The following APCDD1L variants were observed in gnomAD, a reference collection of about 807,000 sequenced individuals.
APCDD1L encodes protein APCDD1-like.
APCDD1L carries 21 observed loss-of-function variants against 24.2 expected under a neutral mutation model. The ratio of observed to expected loss-of-function variants is 0.87; its 90% CI spans 0.61 to 1.25. APCDD1L has a LOEUF of 1.25. Ranked by LOEUF, APCDD1L falls within the 50% of genes most tolerant of loss-of-function variation. APCDD1L has a pLI of 0.00. For synonymous variants in APCDD1L, 321 were observed against 323.6 expected, an observed-to-expected ratio of 0.99 and a Z score of 0.09; for missense variants, 704 against 711.7, an observed-to-expected ratio of 0.99 and a Z score of 0.12.
chr20:58,470,021 G>A (rs759822002), intron 2 of APCDD1L, among the ~76,000 whole-genome samples: 30 of 152,334 alleles, frequency 2.0e-4, no homozygotes, highest in Middle Eastern at 6.8e-3. Flanking sequence ...CTGAAATGTC[G>A]AGTGAGCCTG....
At chr20:58,480,096 A>G (rs16982013) in intron 1 of APCDD1L, among the ~76,000 whole-genome samples, 10,244 of 152,304 alleles carry the variant, frequency 0.067, 450 homozygotes, top group East Asian at 0.11. Context: ...TCATTTGGCT[A>G]TAATGGAATC....
chr20:58,505,342 G>A (rs1245349615), intron 1 of APCDD1L, among the ~76,000 whole-genome samples: 2 of 152,168 alleles, frequency 1.3e-5, no homozygotes, highest in Non-Finnish European at 2.9e-5. Flanking sequence ...TGGGATTACA[G>A]GCATGGGCCA....
Position 58,508,238 on chromosome 20 carries a change from A to G in APCDD1L, c.49+6421T>C, listed in dbSNP as rs539298905. On this transcript the variant is annotated intron_variant, in intron 1 of 3. Transcript: ENST00000371149. The surrounding 1 kb of genome is among the most constrained non-coding windows in gnomAD (Gnocchi z 4.0). ...GTGGGAAGGAATGCAGCTGATGGAC[A>G]GGCTGGTGGGCTCTGAGTGACTGCT... Among the ~76,000 whole-genome samples, 69 of 152,350 alleles carry G rather than the reference A, an allele frequency of 4.5e-4. 1 individual carries two copies. Among genetic ancestry groups the G allele is most frequent in the African/African-American group, 1.6e-3 (67 of 41,588 alleles).
At chr20:58,475,450 A>G (rs1463449956) in intron 1 of APCDD1L, among the ~76,000 whole-genome samples, 1 of 152,130 alleles carries the variant, frequency 6.6e-6, no homozygotes, top group Non-Finnish European at 1.5e-5. Flanking sequence ...ACTGAGTTTT[A>G]AAAGGTGATT....
intron 1 of APCDD1L, among the ~76,000 whole-genome samples, chr20:58,473,655 G>A (rs1306342039): frequency 1.3e-5 from 2 of 152,126 alleles, no homozygotes; most frequent in East Asian, 3.8e-4. Context: ...AATAACAGCT[G>A]AAAGCAGATG....
chr20:58,470,018 G>C (rs983260044), intron 2 of APCDD1L, among the ~76,000 whole-genome samples: 5 of 152,230 alleles, frequency 3.3e-5, no homozygotes, highest in African/African-American at 1.2e-4. Context: ...CCTCTGAAAT[G>C]TCGAGTGAGC....
rs1166627691 is a variant in APCDD1L, at chr20:58,497,924, C to T, written c.49+16735G>A. ...CTCAATCATTTCTCTCCCTTCTCGG[C>T]AGCAACAACCATTATCGGTTTGTGC... On this transcript the variant is annotated intron_variant, in intron 1 of 3. Coordinates refer to ENST00000371149, the MANE Select transcript of APCDD1L (RefSeq NM_153360.3). The surrounding 1 kb of genome is among the most constrained non-coding windows in gnomAD (Gnocchi z 4.3). Among the ~76,000 whole-genome samples the T allele has an allele frequency of 6.6e-6, 1 of 152,208 alleles. No homozygotes were observed. Among genetic ancestry groups the T allele is most frequent in the African/African-American group, 2.4e-5 (1 of 41,444 alleles).
At position 58,460,502 on chromosome 20, in the gene APCDD1L, A is replaced by C; in HGVS notation, c.*288T>G. 3.5e-6 allele frequency: 1 copy of C among 286,228 alleles called. No individual in the cohort carries two copies. Among genetic ancestry groups the C allele is most frequent in the Non-Finnish European group, 6.5e-6 (1 of 154,562 alleles). 17.7% of individuals were successfully genotyped at this position (286,228 alleles called of 1,614,324 possible). ...GTTGGCGAGCTGCCAAGGATGAGGA[A>C]AGTAGAAAAATTGGGAGTGATCTTT... On this transcript the variant is annotated 3_prime_UTR_variant, in exon 4 of 4. Coordinates refer to ENST00000371149, the MANE Select transcript of APCDD1L (RefSeq NM_153360.3). The surrounding 1 kb of genome is among the most constrained non-coding windows in gnomAD (Gnocchi z 4.2).
chr20:58,507,193 C>A (rs1990540565), intron 1 of APCDD1L, among the ~76,000 whole-genome samples: 1 of 152,190 alleles, frequency 6.6e-6, no homozygotes, highest in South Asian at 2.1e-4. Context: ...TGCACAAGTT[C>A]TCTCTCTTTG....
intron 1 of APCDD1L, among the ~76,000 whole-genome samples, chr20:58,488,095 G>A (rs537346630): frequency 6.6e-6 from 1 of 152,240 alleles, no homozygotes; most frequent in East Asian, 1.9e-4. Context: ...AATATTAAAT[G>A]GAAAATTCCA....
rs146283725 is a variant in APCDD1L at position 58,460,364 on chromosome 20, G to T, written c.*426C>A. 84 of 166,944 alleles carry T rather than the reference G, an allele frequency of 5.0e-4. No individual in the cohort carries two copies. Among genetic ancestry groups the T allele is most frequent in the Middle Eastern group, 2.8e-3 (1 of 352 alleles). The allele number at this position is 166,944 out of a possible 1,614,324, so 10.3% of individuals were successfully genotyped here. ...GCAGAACTGTAGGCCTCGTCCCTAG[G>T]CAGAGCCTCAGGATCTCCTCTTGCT... On this transcript the variant is annotated 3_prime_UTR_variant, in exon 4 of 4. Transcript: ENST00000371149. This position sits in a 1 kb window ranked among gnomAD's most constrained non-coding sequence, Gnocchi z 4.2.
rs149607260 is a variant in APCDD1L at position 58,513,168 on chromosome 20, C to T, written c.49+1491G>A. ...ACTGGGTGCAACGGCCTGGAGGAGG[C>T]GGATGAGAGCAGATGGACACCCGGT... is the stretch of plus-strand genomic sequence containing the variant. On this transcript the variant is annotated intron_variant, in intron 1 of 3. Coordinates refer to ENST00000371149, the MANE Select transcript of APCDD1L (RefSeq NM_153360.3). 7.2e-5 allele frequency among the ~76,000 whole-genome samples: 11 copies of T among 152,290 alleles called. No homozygotes were observed. The South Asian group carries it at 1.9e-3, about 26-fold the overall frequency.
chr20:58,513,423 C>G (rs181034804), intron 1 of APCDD1L, among the ~76,000 whole-genome samples: 1 of 152,130 alleles, frequency 6.6e-6, no homozygotes, highest in Non-Finnish European at 1.5e-5. Flanking sequence ...ATGTCCCTTT[C>G]GACAGGTGAA....
chr20:58,509,842 C>T (rs1369721999), intron 1 of APCDD1L, among the ~76,000 whole-genome samples: 1 of 152,194 alleles, frequency 6.6e-6, no homozygotes, highest in African/African-American at 2.4e-5. Context: ...CTCATTCTTA[C>T]CCTGCTTTAC....
chr20:58,510,723 C>G (rs1990610773), intron 1 of APCDD1L, among the ~76,000 whole-genome samples: 1 of 152,206 alleles, frequency 6.6e-6, no homozygotes, highest in South Asian at 2.1e-4. Context: ...GATGGTAGCA[C>G]TGGCAGCAGG....
In APCDD1L at chr20:58,511,121, C is replaced by T. The variant is rs139198601; in HGVS notation, c.49+3538G>A. On this transcript the variant is annotated intron_variant, in intron 1 of 3. Coordinates refer to ENST00000371149, the MANE Select transcript of APCDD1L (RefSeq NM_153360.3). ...ATGTCACAGCTATCACCATTCCCAA[C>T]ACACTGATTGGGCCACATGCCCAGG... Among the ~76,000 whole-genome samples, 654 of 152,338 alleles carry T rather than the reference C, an allele frequency of 4.3e-3. 2 individuals are homozygous for T. The highest frequency in any genetic ancestry group is 0.015 in the African/African-American group (617 of 41,576).
At chr20:58,475,770 T>G (rs1248270745) in intron 1 of APCDD1L, among the ~76,000 whole-genome samples, 2 of 152,076 alleles carry the variant, frequency 1.3e-5, no homozygotes, top group Non-Finnish European at 2.9e-5. Flanking sequence ...AATCAAGGTG[T>G]GGGTAGGGCC....
chr20:58,489,672 G>A lies in APCDD1L; in HGVS notation c.50-18925C>T, dbSNP rs539537407. 3.2e-4 allele frequency among the ~76,000 whole-genome samples: 45 copies of A among 139,890 alleles called. 1 individual carries two copies. The highest frequency in any genetic ancestry group is 1.1e-3 in the African/African-American group (41 of 37,256). 91.8% of individuals were successfully genotyped at this position (139,890 alleles called of 152,430 possible). A position where few individuals can be genotyped will look rare whatever the true frequency, so the allele number is the denominator to read the frequency against. Reference sequence around the variant, plus strand: ...GCACTCCAGCCTGGGCAACAAGAGCGAAACTTTGTGTGGAAAAAAAAAAAA... The same window carrying A: ...GCACTCCAGCCTGGGCAACAAGAGCAAAACTTTGTGTGGAAAAAAAAAAAA... On this transcript the variant is annotated intron_variant, in intron 1 of 3. Coordinates refer to ENST00000371149, the MANE Select transcript of APCDD1L (RefSeq NM_153360.3).
rs746069578 is a variant in APCDD1L at position 58,460,987 on chromosome 20, T to A, written c.1309A>T (p.Ser437Cys). The change falls in exon 4 of 4, where the codon AGT (serine) becomes TGT (cysteine). Residue 437 changes from serine to cysteine, a missense_variant. Ser to Cys is a moderately radical substitution (Grantham distance 112). Coordinates refer to ENST00000371149, the MANE Select transcript of APCDD1L (RefSeq NM_153360.3). The surrounding 1 kb of genome is among the most constrained non-coding windows in gnomAD (Gnocchi z 4.2). ...GGACGTTTCTCTGGGGTATCGGGACTTGAGCCATCGGTGGGCCTTTGTCCG... is the reference window on the plus strand; with the variant it reads ...GGACGTTTCTCTGGGGTATCGGGACATGAGCCATCGGTGGGCCTTTGTCCG... ...FIGQRPTDGS[S>C]PDTPEKRPTS... 6.2e-7 allele frequency: 1 copy of A among 1,614,148 alleles called. No homozygotes were observed. The highest frequency in any genetic ancestry group is 8.5e-7 in the Non-Finnish European group (1 of 1,180,012).
Sources: gnomAD v4.1 joint callset for allele counts (sites outside exome capture counted in the v4.1 genomes callset) on GRCh38, gnomAD v4.1.1 for gene constraint, Gnocchi (gnomAD v3.1) non-coding constraint, MANE v1.5 for transcripts, NCBI Gene and HGNC (gene_info 2026-07-23, HGNC 2026-07-21) for gene names.